Variants in AP5Z1 observed in about 807,000 individuals in gnomAD.
AP5Z1 encodes adaptor related protein complex 5 subunit zeta 1, also known as AP-5 complex subunit zeta-1.
In AP5Z1, 106 loss-of-function variants were observed where a neutral mutation model predicts 83.0. That is an observed-to-expected ratio of 1.28 (90% CI 1.09 to 1.50). The LOEUF (loss-of-function observed/expected upper bound fraction) is 1.50, where lower values mean the gene tolerates loss of function less well. AP5Z1 is among the 40% of genes most tolerant of loss of function. The probability of loss-of-function intolerance (pLI) is 0.00; values close to 1 mark genes in which losing one functional copy is unlikely to be tolerated. For synonymous variants in AP5Z1, 751 were observed against 514.1 expected, an observed-to-expected ratio of 1.46 and a Z score of -6.23; for missense variants, 1,565 against 1,094.2, an observed-to-expected ratio of 1.43 and a Z score of -6.07.
At chr7:4,787,858 C>G (rs1005240509) in intron 11 of AP5Z1, 82 bp downstream of exon 11, 2 of 1,444,346 alleles carry the variant, frequency 1.4e-6, no homozygotes, top group Non-Finnish European at 1.8e-6. Context: ...CTGCTCCTGA[C>G]CCCTACACCG....
rs1383868864 is a variant in AP5Z1 at position 4,789,914 on chromosome 7, C to CTG, written c.1791_1792dup (p.Ala598ValfsTer8). ...TCGCTCTACCCGGCCCCAGGGTACG[C>CTG]TGCCGGTGTGCACAGGTAGGTCCCT... On this transcript the variant is annotated frameshift_variant, in exon 14 of 17. Coordinates refer to ENST00000649063, the MANE Select transcript of AP5Z1 (RefSeq NM_014855.3). LOFTEE classifies it high-confidence loss of function. 1.9e-6 allele frequency: 3 copies of CTG among 1,547,462 alleles called. No individual in the cohort carries two copies. The highest frequency in any genetic ancestry group is 2.6e-6 in the Non-Finnish European group (3 of 1,145,556).
chr7:4,775,932 G>A (rs1467409758), intron 1 of AP5Z1, among the ~76,000 whole-genome samples, 176 bp downstream of exon 1: 1 of 152,204 alleles, frequency 6.6e-6, no homozygotes, highest in Non-Finnish European at 1.5e-5. Flanking sequence ...GGGTGAGGAG[G>A]TCGGGGAGGG....
At chr7:4,786,076 C>T (rs1393428301) in intron 9 of AP5Z1, among the ~76,000 whole-genome samples, 174 bp from the exon 10 acceptor site, 4 of 152,228 alleles carry the variant, frequency 2.6e-5, no homozygotes, top group Non-Finnish European at 5.9e-5. Flanking sequence ...ACGAGCTGTC[C>T]GTGTCCCTGG....
Position 4,783,341 on chromosome 7 carries a change from C to G in AP5Z1, c.392C>G (p.Ala131Gly). The change falls in exon 4 of 17, where the codon GCC becomes GGC. Residue 131 changes from alanine to glycine, a missense_variant. By Grantham distance (60) the Ala-to-Gly change is moderately conservative. Transcript: ENST00000649063. ...AQGDRNEEVR[A>G]VGQGVLRALE... ...GGTGACAGAAACGAGGAGGTCAGAG[C>G]CGTGGGCCAGGGCGTGCTACGAGCG... 6.2e-7 allele frequency: 1 copy of G among 1,612,340 alleles called. No individual in the cohort carries two copies. The highest frequency in any genetic ancestry group is 8.5e-7 in the Non-Finnish European group (1 of 1,179,374).
Position 4,791,207 on chromosome 7 carries a change from C to T in AP5Z1, c.2246C>T (p.Thr749Ile). 2.5e-6 allele frequency: 4 copies of T among 1,612,708 alleles called. No individual in the cohort carries two copies. The highest frequency in any genetic ancestry group is 3.4e-6 in the Non-Finnish European group (4 of 1,179,830). ...HSEEGAEAIR[T>I]RATELLTLLK... ...GAGGAGGGCGCGGAAGCCATCCGTA[C>T]CCGGGCCACAGAGCTGCTGACCCTG... Residue 749 changes from threonine (T) to isoleucine (I), a missense_variant, in exon 17 of 17, where the codon ACC becomes ATC. Transcript: ENST00000649063.
intron 3 of AP5Z1, 77 bp downstream of exon 3, chr7:4,781,831 G>T (rs372182281): frequency 5.6e-6 from 8 of 1,418,708 alleles, no homozygotes; most frequent in Non-Finnish European, 7.4e-6. Flanking sequence ...AAGCAGGGGC[G>T]CCAGAGCCGG....
Position 4,775,668 on chromosome 7 carries a change from A to C in AP5Z1, c.-48A>C, listed in dbSNP as rs752606641. 1.9e-6 allele frequency: 3 copies of C among 1,604,448 alleles called. No individual in the cohort carries two copies. Among genetic ancestry groups the C allele is most frequent in the Non-Finnish European group, 2.5e-6 (3 of 1,179,336 alleles). Reference sequence around the variant, plus strand: ...CCGGGGTGCGGAGCTCCTGGGCTGCAGCTCCTGGAGTTTCCGAGGTTCGTG... The same window carrying C: ...CCGGGGTGCGGAGCTCCTGGGCTGCCGCTCCTGGAGTTTCCGAGGTTCGTG... On this transcript the variant is annotated 5_prime_UTR_variant, in exon 1 of 17. Transcript: ENST00000649063.
intron 12 of AP5Z1, 129 bp downstream of exon 12, chr7:4,788,423 C>G (rs1303320207): frequency 8.4e-7 from 1 of 1,195,888 alleles, no homozygotes; most frequent in Non-Finnish European, 1.1e-6. Context: ...GGCTGCGTCC[C>G]CGTCATCACC....
chr7:4,775,865 AC>A (rs1781210718), intron 1 of AP5Z1, 109 bp downstream of exon 1: 1 of 1,449,054 alleles, frequency 6.9e-7, no homozygotes, highest in Admixed American at 2.2e-5. Flanking sequence ...CAGGAACCCG[AC>A]TGGACTCGCC....
At chr7:4,785,312 C>G (rs559667147) in intron 7 of AP5Z1, 103 bp from the exon 8 acceptor site, 87 of 1,473,568 alleles carry the variant, frequency 5.9e-5, no homozygotes, top group Non-Finnish European at 7.3e-5. Flanking sequence ...GTCCCACCCC[C>G]CTGCTCCCGG....
intron 2 of AP5Z1, 29 bp downstream of exon 2, chr7:4,781,341 C>G: frequency 6.2e-7 from 1 of 1,611,016 alleles, no homozygotes; most frequent in Non-Finnish European, 8.5e-7. Flanking sequence ...CAGGCCGGCT[C>G]CTCACACAGC....
In AP5Z1 at chr7:4,790,509, T is replaced by G. The variant is rs745978272; in HGVS notation, c.1856T>G (p.Val619Gly). 1.2e-6 allele frequency: 2 copies of G among 1,613,032 alleles called. No homozygotes were observed. Among genetic ancestry groups the G allele is most frequent in the Non-Finnish European group, 1.7e-6 (2 of 1,179,842 alleles). ...LALCTLKPSL[V>G]VELARDLLEF... The stretch of plus-strand genomic sequence containing the variant: ...CTGTGTACGCTGAAACCCTCCCTGG[T>G]GGTGGAGCTGGCAAGAGACCTGCTG... The change falls in exon 15 of 17, where the codon GTG (valine) becomes GGG (glycine). Residue 619 changes from valine (V) to glycine (G), a missense_variant. Coordinates refer to ENST00000649063, the MANE Select transcript of AP5Z1 (RefSeq NM_014855.3).
chr7:4,789,821 C>T lies in AP5Z1; in HGVS notation c.1708-11C>T, dbSNP rs748347172. ...GTGGGGCTGAGCCTGTTTCCCACTC[C>T]TGACCCCCAGGTGGCTGACGGGTCC... is the stretch of plus-strand genomic sequence containing the variant. On this transcript the variant is annotated splice_polypyrimidine_tract_variant and intron_variant, in intron 13 of 16. Coordinates refer to ENST00000649063, the MANE Select transcript of AP5Z1 (RefSeq NM_014855.3). The T allele has an allele frequency of 5.2e-5, 81 of 1,550,296 alleles. 1 individual carries two copies. The South Asian group carries it at 8.8e-4, about 17-fold the overall frequency.
At chr7:4,785,367 C>A (rs772515033) in intron 7 of AP5Z1, 48 bp from the exon 8 acceptor site, 1 of 1,592,516 alleles carries the variant, frequency 6.3e-7, no homozygotes, top group Admixed American at 1.7e-5. Flanking sequence ...CTCATTGGGC[C>A]ACTCTAAGGC....
At chr7:4,787,890 C>T (rs900723170) in intron 11 of AP5Z1, 114 bp downstream of exon 11, 6 of 1,323,864 alleles carry the variant, frequency 4.5e-6, no homozygotes, top group South Asian at 1.5e-5. Flanking sequence ...TCTTCCCCCC[C>T]CAACACCTGA....
chr7:4,790,347 C>T, intron 14 of AP5Z1, 112 bp from the exon 15 acceptor site: 2 of 1,566,374 alleles, frequency 1.3e-6, no homozygotes, highest in East Asian at 2.4e-5. Context: ...TCGGAGGGTG[C>T]AGCATACACC....
At position 4,793,186 on chromosome 7, in the gene AP5Z1, C is replaced by G. The variant is rs574323515; in HGVS notation, c.*1801C>G. ...GGCCTCGGAGGGCATGACCCCAGCC[C>G]AGGGAGGAGCAACCTTCAGGTGGCC... On this transcript the variant is annotated 3_prime_UTR_variant, in exon 17 of 17. Coordinates refer to ENST00000649063, the MANE Select transcript of AP5Z1 (RefSeq NM_014855.3). The G allele has an allele frequency of 1.3e-5, 2 of 152,438 alleles. No individual in the cohort carries two copies. Among genetic ancestry groups the G allele is most frequent in the South Asian group, 4.1e-4 (2 of 4,830 alleles). The allele number at this position is 152,438 out of a possible 1,614,324, so 9.4% of individuals were successfully genotyped here. A position where few individuals can be genotyped will look rare whatever the true frequency, so the allele number is the denominator to read the frequency against.
intron 5 of AP5Z1, 109 bp from the exon 6 acceptor site, chr7:4,784,094 G>T: frequency 7.5e-7 from 1 of 1,335,062 alleles, no homozygotes; most frequent in Non-Finnish European, 1.0e-6. Context: ...CGCTGCCCGG[G>T]CTCATGTTCA....
intron 1 of AP5Z1, among the ~76,000 whole-genome samples, chr7:4,776,052 C>T (rs546199221): frequency 6.6e-6 from 1 of 152,250 alleles, no homozygotes; most frequent in African/African-American, 2.4e-5. Flanking sequence ...GGTGAGAACT[C>T]CGCGTCTGGC....
Sources: allele counts gnomAD v4.1 joint callset (sites outside exome capture counted in the v4.1 genomes callset), GRCh38; gene constraint gnomAD v4.1.1; transcripts MANE v1.5; gene names NCBI Gene and HGNC (gene_info 2026-07-23, HGNC 2026-07-21).